Variants in SH3GLB1 observed in about 807,000 individuals in gnomAD.
SH3GLB1 encodes endophilin-B1.
In SH3GLB1, 17 loss-of-function variants were observed where a neutral mutation model predicts 42.0. The ratio of observed to expected loss-of-function variants is 0.40; its 90% CI spans 0.28 to 0.61. The LOEUF (loss-of-function observed/expected upper bound fraction) is 0.61. Ranked by LOEUF, SH3GLB1 falls within the 20% of genes least tolerant of loss-of-function variation. The pLI is 0.36. For missense variants in SH3GLB1, 355 were observed against 426.3 expected (o/e 0.83, Z 1.47); for synonymous variants, 132 against 146.6 (o/e 0.90, Z 0.72).
At chr1:86,717,954 G>C (rs1040673685) in intron 2 of SH3GLB1, among the ~76,000 whole-genome samples, 1 of 151,874 alleles carries the variant, frequency 6.6e-6, no homozygotes, top group African/African-American at 2.4e-5. Context: ...TTAACTGAAC[G>C]AAGTCAGCAT....
intron 7 of SH3GLB1, among the ~76,000 whole-genome samples, chr1:86,736,912 A>G (rs191282234): frequency 6.6e-6 from 1 of 152,224 alleles, no homozygotes. Flanking sequence ...CCAGCTTCAC[A>G]CTAACACATT....
Position 86,730,197 on chromosome 1 carries a change from G to T in SH3GLB1, c.571-4405G>T, listed in dbSNP as rs990835377. The T allele has an allele frequency of 8.2e-5, 125 of 1,524,200 alleles. No individual in the cohort carries two copies. The South Asian group carries it at 1.5e-3, about 18-fold the overall frequency. The allele number at this position is 1,524,200 out of a possible 1,614,324, so 94.4% of individuals were successfully genotyped here. On this transcript the variant is annotated intron_variant, in intron 5 of 8. Coordinates refer to ENST00000370558, the MANE Select transcript of SH3GLB1 (RefSeq NM_016009.5). The stretch of plus-strand genomic sequence containing the variant: ...AATATGTATTGGGCAACAACCCATG[G>T]GTCCAGTCACAGTCTGTGTTAGTAT...
At chr1:86,709,651 A>C (rs547238330) in intron 1 of SH3GLB1, among the ~76,000 whole-genome samples, 87 of 152,342 alleles carry the variant, frequency 5.7e-4, no homozygotes, top group Admixed American at 4.4e-3. Flanking sequence ...CACCATCATT[A>C]AAATAAGAGC....
chr1:86,735,458 A>G (rs1305072340), intron 7 of SH3GLB1, among the ~76,000 whole-genome samples: 2 of 152,202 alleles, frequency 1.3e-5, no homozygotes, highest in African/African-American at 4.8e-5. Context: ...GCTACTGAAT[A>G]CTTTTTGCTA....
chr1:86,728,632 G>A (rs1655333845), intron 5 of SH3GLB1: 3 of 504,774 alleles, frequency 5.9e-6, no homozygotes, highest in Admixed American at 7.6e-5. Context: ...ACTAGCTGAA[G>A]TAATACTGGA....
intron 1 of SH3GLB1, among the ~76,000 whole-genome samples, chr1:86,706,133 T>C (rs1183524706): frequency 6.6e-6 from 1 of 152,220 alleles, no homozygotes; most frequent in Non-Finnish European, 1.5e-5. Flanking sequence ...CAGATAGATG[T>C]TATTAACCCC....
chr1:86,705,062 C>G (rs918087729), intron 1 of SH3GLB1, 91 bp downstream of exon 1: 2 of 843,818 alleles, frequency 2.4e-6, no homozygotes, highest in African/African-American at 1.8e-5. Context: ...CGGGCCTCGC[C>G]GACCACCCAG....
intron 1 of SH3GLB1, among the ~76,000 whole-genome samples, chr1:86,713,575 A>G (rs1038366786): frequency 9.2e-5 from 14 of 152,136 alleles, no homozygotes; most frequent in African/African-American, 2.7e-4. Flanking sequence ...AGATCTTAAC[A>G]TAGTTCATAT....
At chr1:86,715,242 C>A (rs557043618) in intron 1 of SH3GLB1, among the ~76,000 whole-genome samples, 1 of 152,212 alleles carries the variant, frequency 6.6e-6, no homozygotes. Flanking sequence ...ATACTTAATC[C>A]CCCAAACACT....
intron 1 of SH3GLB1, among the ~76,000 whole-genome samples, chr1:86,710,028 A>G (rs1248879249): frequency 1.3e-5 from 2 of 152,242 alleles, no homozygotes; most frequent in African/African-American, 2.4e-5. Flanking sequence ...CTTAAATTCT[A>G]ATAAATAAAA....
chr1:86,740,885 T>G (rs1171473225), intron 7 of SH3GLB1, among the ~76,000 whole-genome samples: 2 of 151,958 alleles, frequency 1.3e-5, no homozygotes, highest in East Asian at 3.9e-4. Context: ...CATCTGTAGG[T>G]GATTGCAGTA....
intron 1 of SH3GLB1, among the ~76,000 whole-genome samples, chr1:86,708,943 C>T (rs567861927): frequency 6.6e-6 from 1 of 152,228 alleles, no homozygotes; most frequent in South Asian, 2.1e-4. Flanking sequence ...CCTATTCTTT[C>T]CTTTCCTTAA....
chr1:86,715,537 A>G (rs1476215936), intron 1 of SH3GLB1, among the ~76,000 whole-genome samples, 187 bp from the exon 2 acceptor site: 2 of 152,240 alleles, frequency 1.3e-5, no homozygotes, highest in Non-Finnish European at 2.9e-5. Flanking sequence ...GGTCATCCAC[A>G]AAAGAAGTAT....
intron 7 of SH3GLB1, among the ~76,000 whole-genome samples, chr1:86,739,569 A>T (rs372830): frequency 0.33 from 49,486 of 151,770 alleles, 10,535 homozygotes; most frequent in African/African-American, 0.62. Flanking sequence ...TGACCGTAAG[A>T]ATACGTAAAT....
chr1:86,727,514 A>T (rs1315422142), intron 5 of SH3GLB1, among the ~76,000 whole-genome samples: 1 of 152,026 alleles, frequency 6.6e-6, no homozygotes, highest in African/African-American at 2.4e-5. Flanking sequence ...AGAAATGCTT[A>T]TTGGAGCTTT....
chr1:86,725,231 AAACT>A (rs1655133224), intron 5 of SH3GLB1, among the ~76,000 whole-genome samples: 1 of 151,884 alleles, frequency 6.6e-6, no homozygotes, highest in South Asian at 2.1e-4. Context: ...CACACTGCTC[AAACT>A]AACTAAAAGA....
intron 1 of SH3GLB1, among the ~76,000 whole-genome samples, chr1:86,712,426 A>ATTTTT (rs1654267576): frequency 6.6e-6 from 1 of 152,208 alleles, no homozygotes; most frequent in African/African-American, 2.4e-5. Flanking sequence ...ACTATGACTC[A>ATTTTT]AACAGATGTG....
chr1:86,724,892 A>AAAAAAAATATATATAT (rs1291454820), intron 5 of SH3GLB1, among the ~76,000 whole-genome samples: 1 of 99,700 alleles, frequency 1.0e-5, no homozygotes, highest in Non-Finnish European at 1.8e-5. Flanking sequence ...AAAAAAAAAA[A>AAAAAAAATATATATAT]ATATATATAT....
chr1:86,730,954 C>G (rs1655476916), intron 5 of SH3GLB1, among the ~76,000 whole-genome samples: 1 of 152,140 alleles, frequency 6.6e-6, no homozygotes, highest in Non-Finnish European at 1.5e-5. Flanking sequence ...CAGTTAAGGT[C>G]ATTATTATGA....
Sources: allele counts gnomAD v4.1 joint callset (sites outside exome capture counted in the v4.1 genomes callset), GRCh38; gene constraint gnomAD v4.1.1; transcripts MANE v1.5; gene names NCBI Gene and HGNC (gene_info 2026-07-23, HGNC 2026-07-21).